Variants in CHI3L2 observed in about 807,000 individuals in gnomAD.
CHI3L2 encodes the protein chitinase 3 like 2.
CHI3L2 carries 47 observed loss-of-function variants against 47.3 expected under a neutral mutation model. That is an observed-to-expected ratio of 0.99 (90% confidence interval 0.79 to 1.27). CHI3L2 has a LOEUF of 1.27. Among genes scored for constraint, CHI3L2 ranks in the 50% most tolerant of loss-of-function variants. The pLI is 0.00. For missense variants in CHI3L2, 497 were observed against 462.1 expected (o/e 1.08, Z -0.69); for synonymous variants, 198 against 169.9 (o/e 1.17, Z -1.28).
intron 1 of CHI3L2, among the ~76,000 whole-genome samples, chr1:111,228,755 A>G (rs1302264522): frequency 6.6e-6 from 1 of 152,084 alleles, no homozygotes; most frequent in Non-Finnish European, 1.5e-5. Flanking sequence ...CCCTTTCTTC[A>G]CTTTTGGACC....
rs770072900 is a variant in CHI3L2 at position 111,229,879 on chromosome 1, G to A, written c.68G>A (p.Gly23Glu). Residue 23 changes from glycine (G) to glutamate (E), a missense_variant and splice_region_variant, in exon 2 of 11, where the codon GGA becomes GAA. Transcript: ENST00000369748. ...GTAGTGGTCTTGCTGCTTCTCCAGG[G>A]AGGTAAGTAGTCAATAAGTCACTAC... ...AGVVVLLLLQ[G>E]GSAYKLVCYF... 67 of 1,613,602 alleles carry A rather than the reference G, an allele frequency of 4.2e-5. No homozygotes were observed. Among genetic ancestry groups the A allele is most frequent in the Non-Finnish European group, 5.3e-5 (63 of 1,179,850 alleles).
chr1:111,243,390 T>A lies in CHI3L2; in HGVS notation c.*176T>A, dbSNP rs1056831. On this transcript the variant is annotated 3_prime_UTR_variant, in exon 11 of 11. Transcript: ENST00000369748. Reference sequence around the variant, plus strand: ...ACCTGGTTTTGTTTTCCTGCAGCTGTTGACTTGTTGCCCTGAAGTACAATA... The same window carrying A: ...ACCTGGTTTTGTTTTCCTGCAGCTGATGACTTGTTGCCCTGAAGTACAATA... The A allele has an allele frequency of 0.27, 102,622 of 373,454 alleles. 15,657 individuals carry two copies. Among genetic ancestry groups the A allele is most frequent in the Non-Finnish European group, 0.34 (64,655 of 190,766 alleles). The allele number at this position is 373,454 out of a possible 1,614,324, so 23.1% of individuals were successfully genotyped here. A position where few individuals can be genotyped will look rare whatever the true frequency, so the allele number is the denominator to read the frequency against.
At chr1:111,230,223 A>G (rs1659674380) in intron 2 of CHI3L2, among the ~76,000 whole-genome samples, 1 of 151,862 alleles carries the variant, frequency 6.6e-6, no homozygotes, top group African/African-American at 2.4e-5. Flanking sequence ...GGTGTTTCAT[A>G]TGTTGGTGGT....
At chr1:111,229,598 C>T (rs1296673640) in intron 1 of CHI3L2, 7 of 360,880 alleles carry the variant, frequency 1.9e-5, no homozygotes, top group East Asian at 8.4e-5. Flanking sequence ...AGGAGAATGG[C>T]GTGAACCCGG....
Position 111,242,241 on chromosome 1 carries a change from G to A in CHI3L2, c.1050G>A (p.Lys350=), listed in dbSNP as rs141935306. 3 of 1,614,126 alleles carry A rather than the reference G, an allele frequency of 1.9e-6. No individual in the cohort carries two copies. Among genetic ancestry groups the A allele is most frequent in the African/African-American group, 2.7e-5 (2 of 75,038 alleles). ...KSMETKVQFL[K]NLNLGGAMIW... Reference sequence around the variant, plus strand: ...GTCTCCCATAGGTTCAGTTCTTAAAGAATTTAAACCTGGGAGGAGCCATGA... The same window carrying A: ...GTCTCCCATAGGTTCAGTTCTTAAAAAATTTAAACCTGGGAGGAGCCATGA... Residue 350 remains lysine, a synonymous_variant, in exon 10 of 11, where the codon AAG becomes AAA. Transcript: ENST00000369748.
intron 10 of CHI3L2, 122 bp downstream of exon 10, chr1:111,242,488 T>C: frequency 8.9e-7 from 1 of 1,120,432 alleles, no homozygotes; most frequent in Non-Finnish European, 1.2e-6. Flanking sequence ...TTGGCTCTTC[T>C]GCCATGTTTT....
chr1:111,236,966 G>A (rs576151189), intron 7 of CHI3L2, among the ~76,000 whole-genome samples: 7 of 152,244 alleles, frequency 4.6e-5, no homozygotes, highest in Admixed American at 6.5e-5. Context: ...TTTTGCTCTT[G>A]TTTGGGATCA....
chr1:111,237,388 C>G (rs868538627), intron 7 of CHI3L2, among the ~76,000 whole-genome samples: 30 of 152,188 alleles, frequency 2.0e-4, no homozygotes, highest in African/African-American at 7.0e-4. Context: ...TCATAATTTT[C>G]TCAGTTACAA....
In CHI3L2 at chr1:111,227,744, C is replaced by T. The variant is rs1659565959; in HGVS notation, c.15C>T (p.Thr5=). The T allele has an allele frequency of 1.9e-6, 3 of 1,614,180 alleles. No individual in the cohort carries two copies. The African/African-American group carries it at 4.0e-5, about 22-fold the overall frequency. The stretch of plus-strand genomic sequence containing the variant: ...TGGCCAAGGATATGGGAGCAACCAC[C>T]ATGGACCAGAAGTCTCTCTGGGCAG... MGAT[T]MDQKSLWAGV... is the part of the protein sequence containing the mutation. Residue 5 remains threonine (T), a synonymous_variant, in exon 1 of 11, where the codon ACC becomes ACT. Coordinates refer to ENST00000369748, the MANE Select transcript of CHI3L2 (RefSeq NM_004000.3).
rs761782008 is a variant in CHI3L2 at position 111,231,266 on chromosome 1, A to G, written c.301A>G (p.Ile101Val). ...KNPKLKILLS[I>V]GGYLFGSKGF... ...TCCCAAACTGAAAATTCTCTTGTCC[A>G]TTGGAGGGTACCTGTTTGGTTCCAA... is the stretch of plus-strand genomic sequence containing the variant. The change falls in exon 4 of 11, where the codon ATT becomes GTT. Residue 101 changes from isoleucine (I) to valine (V), a missense_variant. Physicochemically the swap from Ile to Val is conservative, Grantham distance 29. Transcript: ENST00000369748. 9 of 1,611,702 alleles carry G rather than the reference A, an allele frequency of 5.6e-6. No homozygotes were observed. Among genetic ancestry groups the G allele is most frequent in the African/African-American group, 1.3e-5 (1 of 74,850 alleles).
At chr1:111,229,026 G>A (rs1659610226) in intron 1 of CHI3L2, among the ~76,000 whole-genome samples, 1 of 152,194 alleles carries the variant, frequency 6.6e-6, no homozygotes, top group Admixed American at 6.5e-5. Context: ...AGAGTTAATT[G>A]TTTATACATA....
intron 7 of CHI3L2, among the ~76,000 whole-genome samples, chr1:111,238,451 G>A (rs1009107842): frequency 1.3e-5 from 2 of 151,986 alleles, no homozygotes; most frequent in African/African-American, 2.4e-5. Flanking sequence ...TGACTCAAAA[G>A]GGGAAGGAAG....
Position 111,242,372 on chromosome 1 carries a change from A to G in CHI3L2, c.*2+6A>G. 2 of 1,593,468 alleles carry G rather than the reference A, an allele frequency of 1.3e-6. No individual in the cohort carries two copies. The highest frequency in any genetic ancestry group is 1.7e-6 in the Non-Finnish European group (2 of 1,169,812). ...AGCCTTGGCTCCCTGTGAAGGTAAC[A>G]GTCCAGGCTGGAGCTGGGAGTGGGC... On this transcript the variant is annotated splice_donor_region_variant and intron_variant, in intron 10 of 10. Coordinates refer to ENST00000369748, the MANE Select transcript of CHI3L2 (RefSeq NM_004000.3).
intron 8 of CHI3L2, among the ~76,000 whole-genome samples, chr1:111,239,146 A>G (rs1659974287): frequency 6.6e-6 from 1 of 152,182 alleles, no homozygotes; most frequent in Admixed American, 6.5e-5. Context: ...TGAAGAGGAG[A>G]TGGAGCTAGC....
chr1:111,240,970 A>G (rs1336782202), intron 8 of CHI3L2, among the ~76,000 whole-genome samples: 1 of 152,254 alleles, frequency 6.6e-6, no homozygotes, highest in African/African-American at 2.4e-5. Flanking sequence ...GATCCTAACA[A>G]CAACACTGTA....
rs776111377 is a variant in CHI3L2, at chr1:111,230,869, C to T, written c.198C>T (p.Ile66=). Residue 66 remains isoleucine, a synonymous_variant, in exon 3 of 11, where the codon ATC becomes ATT. Transcript: ENST00000369748. ...ATCTCATCTATTCATTCGCCAGCAT[C>T]GAAAACAACAAGGTTATCATCAAGG... ...CSHLIYSFAS[I]ENNKVIIKDK... The T allele has an allele frequency of 2.5e-6, 4 of 1,614,098 alleles. No homozygotes were observed. Among genetic ancestry groups the T allele is most frequent in the South Asian group, 1.1e-5 (1 of 91,078 alleles).
At chr1:111,234,155 C>T (rs1442653080) in intron 4 of CHI3L2, among the ~76,000 whole-genome samples, 2 of 149,294 alleles carry the variant, frequency 1.3e-5, no homozygotes, top group African/African-American at 4.9e-5. Context: ...CCTGCCAAAT[C>T]CCCCTCTGCG....
Position 111,233,751 on chromosome 1 carries a change from G to T in CHI3L2, c.330-1156G>T, listed in dbSNP as rs12727526. Among the ~76,000 whole-genome samples, 12 of 152,016 alleles carry T rather than the reference G, an allele frequency of 7.9e-5. No individual in the cohort carries two copies. The East Asian group carries it at 1.7e-3, about 22-fold the overall frequency. On this transcript the variant is annotated intron_variant, in intron 4 of 10. Transcript: ENST00000369748. Reference sequence around the variant, plus strand: ...AATGGCGGTTTTGTGGAATAGAAAGGGGGGAAAGGTGGGGAAAAGATTGAG... The same window carrying T: ...AATGGCGGTTTTGTGGAATAGAAAGTGGGGAAAGGTGGGGAAAAGATTGAG...
At chr1:111,229,907 C>T (rs1659662531) in intron 2 of CHI3L2, 26 bp downstream of exon 2, 1 of 1,613,416 alleles carries the variant, frequency 6.2e-7, no homozygotes, top group African/African-American at 1.3e-5. Context: ...GTCACTACCG[C>T]CTGGATCTCC....
Sources: allele counts gnomAD v4.1 joint callset (sites outside exome capture counted in the v4.1 genomes callset), GRCh38; gene constraint gnomAD v4.1.1; transcripts MANE v1.5; gene names NCBI Gene and HGNC (gene_info 2026-07-23, HGNC 2026-07-21).